Variants in ASH1L observed in about 807,000 individuals in gnomAD.
The protein encoded by ASH1L is histone-lysine N-methyltransferase ASH1L.
In ASH1L, 23 loss-of-function variants were observed where a neutral mutation model predicts 269.0. That is an observed-to-expected ratio of 0.09 (90% confidence interval 0.06 to 0.12). ASH1L has a LOEUF of 0.12. ASH1L is among the 10% of genes least tolerant of loss of function. The pLI is 1.00. For synonymous variants in ASH1L, 1,187 were observed against 1,253.5 expected (o/e 0.95, Z 1.12); for missense variants, 2,912 against 3,567.8 (o/e 0.82, Z 4.68).
At chr1:155,484,941 AAACAAAAAC>A (rs1666219170) in intron 2 of ASH1L, among the ~76,000 whole-genome samples, 1 of 134,340 alleles carries the variant, frequency 7.4e-6, no homozygotes, top group African/African-American at 3.0e-5. Context: ...AAAAAAAAAA[AAACAAAAAC>A]AAAAACAAAA....
intron 2 of ASH1L, among the ~76,000 whole-genome samples, chr1:155,518,499 A>G (rs1260065282): frequency 1.3e-5 from 2 of 152,120 alleles, no homozygotes; most frequent in Admixed American, 1.3e-4. Flanking sequence ...CTATATACAG[A>G]TTATATAAAG....
At chr1:155,444,307 ATGTT>A (rs1188455991) in intron 4 of ASH1L, among the ~76,000 whole-genome samples, 2 of 152,092 alleles carry the variant, frequency 1.3e-5, no homozygotes, top group Non-Finnish European at 2.9e-5. Flanking sequence ...AACTAATTGT[ATGTT>A]TAAGAAATTT....
chr1:155,366,966 G>T (rs1655483925), intron 12 of ASH1L, among the ~76,000 whole-genome samples: 2 of 145,486 alleles, frequency 1.4e-5, no homozygotes, highest in South Asian at 4.3e-4. Context: ...GTGAGCCATT[G>T]CAACTAGCCT....
chr1:155,349,884 CTT>C (rs1299756334), intron 17 of ASH1L, among the ~76,000 whole-genome samples: 10 of 97,676 alleles, frequency 1.0e-4, no homozygotes, highest in Non-Finnish European at 1.5e-4. Flanking sequence ...CGCCAAGCTA[CTT>C]TTTTTTTTTT....
Position 155,343,296 on chromosome 1 carries a change from C to G in ASH1L, c.8293+18G>C. 2 of 1,599,998 alleles carry G rather than the reference C, an allele frequency of 1.3e-6. No homozygotes were observed. The highest frequency in any genetic ancestry group is 1.1e-5 in the South Asian group (1 of 89,234). On this transcript the variant is annotated intron_variant, in intron 24 of 27. Transcript: ENST00000392403. The surrounding 1 kb of genome is among the most constrained non-coding windows in gnomAD (Gnocchi z 6.1). ...GCACTTGGCCGAGGTCATTTTTTAA[C>G]TAGCCCAGATCACTTACCTTTACAA... is the stretch of plus-strand genomic sequence containing the variant.
At position 155,381,881 on chromosome 1, in the gene ASH1L, G is replaced by A. The variant is rs192290008; in HGVS notation, c.6104-1765C>T. Among the ~76,000 whole-genome samples, 59 of 151,490 alleles carry A rather than the reference G, an allele frequency of 3.9e-4. No individual in the cohort carries two copies. In the East Asian group the frequency reaches 5.5e-3, roughly 14 times the overall value. The stretch of plus-strand genomic sequence containing the variant: ...AGCCTAGGCAACAGAGTGAGACACG[G>A]TCTCAAAAAAAAAGGAAAACAAAAC... On this transcript the variant is annotated intron_variant, in intron 7 of 27. Coordinates refer to ENST00000392403, the MANE Select transcript of ASH1L (RefSeq NM_018489.3).
chr1:155,428,347 CAGG>C (rs1026171595), intron 5 of ASH1L, among the ~76,000 whole-genome samples: 1 of 150,988 alleles, frequency 6.6e-6, no homozygotes, highest in African/African-American at 2.4e-5. Flanking sequence ...AGACTGAGGG[CAGG>C]AGAATTGCTT....
chr1:155,340,186 TTTTC>T lies in ASH1L; in HGVS notation c.8461-822_8461-819del, dbSNP rs200712667. The stretch of plus-strand genomic sequence containing the variant: ...TTGCTTTGTTTTCTGGTTAGCTTAT[TTTTC>T]TTTCTTTTTATTTTTTGAGAGTCTT... On this transcript the variant is annotated intron_variant, in intron 25 of 27. Coordinates refer to ENST00000392403, the MANE Select transcript of ASH1L (RefSeq NM_018489.3). 3.2e-3 allele frequency among the ~76,000 whole-genome samples: 482 copies of T among 152,166 alleles called. 1 individual carries two copies. Among genetic ancestry groups the T allele is most frequent in the Non-Finnish European group, 4.8e-3 (329 of 67,990 alleles).
intron 2 of ASH1L, among the ~76,000 whole-genome samples, chr1:155,518,564 C>A (rs943230751): frequency 2.0e-5 from 3 of 151,496 alleles, no homozygotes; most frequent in African/African-American, 7.3e-5. Context: ...ATAATTTGAA[C>A]AAACATTTCT....
At chr1:155,433,777 G>C (rs1661821665) in intron 5 of ASH1L, 2 of 1,605,488 alleles carry the variant, frequency 1.2e-6, no homozygotes, top group Non-Finnish European at 1.7e-6. Flanking sequence ...ACATGTGTAA[G>C]CTGCGGCCCT....
intron 13 of ASH1L, among the ~76,000 whole-genome samples, chr1:155,358,521 TAAA>T (rs925436886): frequency 5.3e-5 from 8 of 151,192 alleles, no homozygotes; most frequent in African/African-American, 1.9e-4. Flanking sequence ...CAGTCTCTAC[TAAA>T]AAAAATACAA....
intron 3 of ASH1L, among the ~76,000 whole-genome samples, chr1:155,475,607 T>C (rs906949784): frequency 1.3e-5 from 2 of 152,248 alleles, no homozygotes; most frequent in Non-Finnish European, 2.9e-5. Flanking sequence ...CTTATCACTC[T>C]ATGGTTTGTC....
At chr1:155,368,372 A>T (rs1342409702) in intron 12 of ASH1L, among the ~76,000 whole-genome samples, 1 of 152,002 alleles carries the variant, frequency 6.6e-6, no homozygotes, top group South Asian at 2.1e-4. Flanking sequence ...TAGATATTTT[A>T]GTTACATTTT....
At chr1:155,537,797 T>A (rs889015206) in intron 1 of ASH1L, among the ~76,000 whole-genome samples, 1 of 152,040 alleles carries the variant, frequency 6.6e-6, no homozygotes, top group African/African-American at 2.4e-5. Flanking sequence ...TATAAACTTC[T>A]GTCCTTCAAA....
intron 2 of ASH1L, among the ~76,000 whole-genome samples, chr1:155,512,410 C>G (rs1668219667): frequency 7.0e-6 from 1 of 143,064 alleles, no homozygotes; most frequent in African/African-American, 2.6e-5. Flanking sequence ...GAGTGAGACT[C>G]TGTCTTTTAA....
chr1:155,340,652 C>T (rs12748814), intron 25 of ASH1L, among the ~76,000 whole-genome samples: 8,475 of 151,848 alleles, frequency 0.056, 355 homozygotes, highest in Non-Finnish European at 0.083. Context: ...AATTGGCACA[C>T]GGTTCTCAAC....
chr1:155,441,314 C>G (rs546697197), intron 4 of ASH1L, among the ~76,000 whole-genome samples: 1 of 151,636 alleles, frequency 6.6e-6, no homozygotes. Flanking sequence ...ACTCCCACCC[C>G]GGCCCCGCCA....
chr1:155,507,520 C>A (rs569055783), intron 2 of ASH1L, among the ~76,000 whole-genome samples: 1 of 152,068 alleles, frequency 6.6e-6, no homozygotes, highest in Non-Finnish European at 1.5e-5. Context: ...CAACAAAGCA[C>A]CAAATTTCAA....
intron 1 of ASH1L, among the ~76,000 whole-genome samples, chr1:155,545,886 G>C (rs1452182869): frequency 6.6e-6 from 1 of 152,044 alleles, no homozygotes; most frequent in Non-Finnish European, 1.5e-5. Context: ...GCTGGATGCA[G>C]TGGCTCAAGA....
Sources: gnomAD v4.1 joint callset for allele counts (sites outside exome capture counted in the v4.1 genomes callset) on GRCh38, gnomAD v4.1.1 for gene constraint, Gnocchi (gnomAD v3.1) non-coding constraint, MANE v1.5 for transcripts, NCBI Gene and HGNC (gene_info 2026-07-23, HGNC 2026-07-21) for gene names.